The following PHIP variants were observed in gnomAD, a reference collection of about 807,000 sequenced individuals.
PHIP encodes PH-interacting protein.
A neutral mutation model predicts 236.8 loss-of-function variants in PHIP; 54 were observed. The observed-to-expected ratio is 0.23, with a 90% CI of 0.18 to 0.29. PHIP has a LOEUF of 0.29. Ranked by LOEUF, PHIP falls within the 10% of genes least tolerant of loss-of-function variation. PHIP has a pLI of 1.00. For synonymous variants in PHIP, 756 were observed against 718.9 expected (o/e 1.05, Z -0.83); for missense variants, 1,370 against 2,190.8 (o/e 0.63, Z 7.48).
chr6:79,070,884 T>C (rs899528421), intron 4 of PHIP, among the ~76,000 whole-genome samples: 2 of 152,204 alleles, frequency 1.3e-5, no homozygotes, highest in African/African-American at 4.8e-5. Flanking sequence ...ACTATTTTGA[T>C]CTACAGTTGA....
intron 7 of PHIP, among the ~76,000 whole-genome samples, chr6:79,037,955 T>C (rs1772022909): frequency 6.6e-6 from 1 of 152,162 alleles, no homozygotes; most frequent in Non-Finnish European, 1.5e-5. Flanking sequence ...AATAGGAAAA[T>C]ACAATGTATT....
intron 15 of PHIP, among the ~76,000 whole-genome samples, chr6:79,009,164 C>A (rs563862266): frequency 6.6e-6 from 1 of 152,074 alleles, no homozygotes; most frequent in Non-Finnish European, 1.5e-5. Flanking sequence ...CTAAAGCCCC[C>A]ACAAGGTTCA....
chr6:78,935,393 C>A lies in PHIP; in HGVS notation c.*5300G>T. The A allele has an allele frequency of 4.2e-6, 2 of 479,628 alleles. No individual in the cohort carries two copies. The highest frequency in any genetic ancestry group is 9.0e-5 in the South Asian group (1 of 11,144). The allele number at this position is 479,628 out of a possible 1,614,324, so 29.7% of individuals were successfully genotyped here. A position where few individuals can be genotyped will look rare whatever the true frequency, so the allele number is the denominator to read the frequency against. ...TTGGGATTCTTAGTCAATAAAAATG[C>A]ATGCCAATCTGACAAAATTTCTAGG... On this transcript the variant is annotated 3_prime_UTR_variant, in exon 40 of 40. Coordinates refer to ENST00000275034, the MANE Select transcript of PHIP (RefSeq NM_017934.7).
At chr6:78,978,029 G>A (rs963051490) in intron 24 of PHIP, among the ~76,000 whole-genome samples, 2 of 152,052 alleles carry the variant, frequency 1.3e-5, no homozygotes, top group African/African-American at 4.8e-5. Context: ...TTAACCTTGA[G>A]TAAAAAATGT....
In PHIP at chr6:78,935,127, A is replaced by G. The variant is rs1255801267; in HGVS notation, c.*5566T>C. Among the ~76,000 whole-genome samples, 3 of 152,062 alleles carry G rather than the reference A, an allele frequency of 2.0e-5. No individual in the cohort carries two copies. Among genetic ancestry groups the G allele is most frequent in the African/African-American group, 7.2e-5 (3 of 41,404 alleles). On this transcript the variant is annotated 3_prime_UTR_variant, in exon 40 of 40. Coordinates refer to ENST00000275034, the MANE Select transcript of PHIP (RefSeq NM_017934.7). The stretch of plus-strand genomic sequence containing the variant: ...AGTAAAGAGTGGTTGCTGAAAGGTA[A>G]TTTTTCTTGGCTGGTTCTTCTAAGT...
chr6:79,062,950 C>T (rs1402952471), intron 4 of PHIP, among the ~76,000 whole-genome samples: 1 of 152,188 alleles, frequency 6.6e-6, no homozygotes, highest in Non-Finnish European at 1.5e-5. Context: ...TGTGTTCCCA[C>T]AGCACATTAT....
intron 22 of PHIP, among the ~76,000 whole-genome samples, chr6:78,984,521 A>G (rs1277972486): frequency 1.3e-5 from 2 of 152,058 alleles, no homozygotes; most frequent in Non-Finnish European, 2.9e-5. Context: ...TAAAACCACC[A>G]CTACTCTTTT....
rs187671716 is a variant in PHIP at position 78,961,145 on chromosome 6, T to C, written c.3656+545A>G. On this transcript the variant is annotated intron_variant, in intron 31 of 39. Coordinates refer to ENST00000275034, the MANE Select transcript of PHIP (RefSeq NM_017934.7). ...AAATTACCTAGATAATGCAAATTAA[T>C]TGAAATTATGCCTGGGCCATTTAAC... Among the ~76,000 whole-genome samples the C allele has an allele frequency of 8.5e-5, 13 of 152,240 alleles. 1 individual carries two copies. The highest frequency in any genetic ancestry group is 6.8e-3 in the Middle Eastern group (2 of 294).
chr6:79,045,953 T>C (rs951076922), intron 6 of PHIP, among the ~76,000 whole-genome samples: 2 of 152,196 alleles, frequency 1.3e-5, no homozygotes, highest in Non-Finnish European at 1.5e-5. Flanking sequence ...TCAGTTCAAA[T>C]GCAACCTCTT....
At chr6:78,944,377 T>G (rs1165176834) in intron 39 of PHIP, among the ~76,000 whole-genome samples, 3 of 152,176 alleles carry the variant, frequency 2.0e-5, no homozygotes, top group African/African-American at 7.2e-5. Flanking sequence ...TCGCTTTGGC[T>G]GCAATATGAG....
intron 19 of PHIP, among the ~76,000 whole-genome samples, chr6:78,993,205 T>A (rs898528574): frequency 7.2e-5 from 11 of 152,202 alleles, no homozygotes; most frequent in African/African-American, 2.4e-4. Flanking sequence ...GAAGAAAAGT[T>A]GGAAGCTAGC....
intron 21 of PHIP, among the ~76,000 whole-genome samples, chr6:78,987,630 A>G (rs1768950541): frequency 6.6e-6 from 1 of 152,148 alleles, no homozygotes; most frequent in Non-Finnish European, 1.5e-5. Flanking sequence ...GAAAAGAGGA[A>G]TGGAGATGGT....
intron 24 of PHIP, among the ~76,000 whole-genome samples, chr6:78,975,547 G>T (rs371092105): frequency 5.3e-5 from 8 of 151,962 alleles, no homozygotes; most frequent in East Asian, 3.9e-4. Flanking sequence ...GAGAAGGAAA[G>T]AAAGGGTATT....
At position 78,955,693 on chromosome 6, in the gene PHIP, A is replaced by G. The variant is rs140458539; in HGVS notation, c.3783-11T>C. ...TAACAAGTCTGATCCCTACATAACA[A>G]GGAAATGTTAACATGTAAGATTAGA... On this transcript the variant is annotated splice_polypyrimidine_tract_variant and intron_variant, in intron 32 of 39. Transcript: ENST00000275034. 2.3e-6 allele frequency: 2 copies of G among 865,582 alleles called. No individual in the cohort carries two copies. The highest frequency in any genetic ancestry group is 2.3e-5 in the Admixed American group (1 of 43,034). 53.6% of individuals were successfully genotyped at this position (865,582 alleles called of 1,614,324 possible). A position where few individuals can be genotyped will look rare whatever the true frequency, so the allele number is the denominator to read the frequency against.
At chr6:79,007,211 C>G (rs1161656794) in intron 15 of PHIP, among the ~76,000 whole-genome samples, 1 of 151,818 alleles carries the variant, frequency 6.6e-6, no homozygotes, top group East Asian at 1.9e-4. Context: ...ATACTAATAC[C>G]TTTTTTGAGG....
Position 78,997,868 on chromosome 6 carries a change from T to C in PHIP, c.2018-271A>G, listed in dbSNP as rs67221234. On this transcript the variant is annotated intron_variant, in intron 18 of 39. Coordinates refer to ENST00000275034, the MANE Select transcript of PHIP (RefSeq NM_017934.7). ...ATCATTACTTTAAAAAAATGCTAAG[T>C]ATTTTTGAGAAAACTTCATAAGAAG... Among the ~76,000 whole-genome samples the C allele has an allele frequency of 0.11, 16,538 of 152,196 alleles. 927 individuals are homozygous for C. Among genetic ancestry groups the C allele is most frequent in the Middle Eastern group, 0.19 (55 of 294 alleles).
chr6:78,941,310 G>C lies in PHIP; in HGVS notation c.4849C>G (p.Leu1617Val), dbSNP rs557254495. 1 of 1,613,246 alleles carries C rather than the reference G, an allele frequency of 6.2e-7. No individual in the cohort carries two copies. Among genetic ancestry groups the C allele is most frequent in the South Asian group, 1.1e-5 (1 of 91,046 alleles). Reference protein sequence around the residue: ...IEQGDCKNNALVPGTIQVNGH... With the variant: ...IEQGDCKNNAVVPGTIQVNGH... ...TTTACTTGAATGGTTCCTGGTACAA[G>C]AGCGTTGTTCTTACAATCTCCTAAA... The change falls in exon 40 of 40, where the codon CTT (leucine) becomes GTT (valine). Residue 1617 changes from leucine to valine, a missense_variant. Leu to Val is a conservative substitution (Grantham distance 32, BLOSUM62 1). Around this residue, in one of 14 missense-constraint regions of PHIP, gnomAD observed 309 missense variants for 328.3 expected, o/e 0.94. Coordinates refer to ENST00000275034, the MANE Select transcript of PHIP (RefSeq NM_017934.7).
intron 7 of PHIP, among the ~76,000 whole-genome samples, chr6:79,031,337 A>C (rs1401861712): frequency 6.6e-6 from 1 of 152,250 alleles, no homozygotes; most frequent in African/African-American, 2.4e-5. Flanking sequence ...ATAAGCTGGA[A>C]AAATCTCAAG....
intron 6 of PHIP, among the ~76,000 whole-genome samples, chr6:79,056,011 C>T (rs540990532): frequency 1.4e-4 from 21 of 152,234 alleles, no homozygotes; most frequent in African/African-American, 4.8e-4. Context: ...TTGTCCCATC[C>T]CAGTGTATGA....
Sources: gnomAD v4.1 joint callset for allele counts (sites outside exome capture counted in the v4.1 genomes callset) on GRCh38, gnomAD v4.1.1 for gene constraint, gnomAD v4.1.1 regional missense constraint, MANE v1.5 for transcripts, NCBI Gene and HGNC (gene_info 2026-07-23, HGNC 2026-07-21) for gene names.